FSTL5: variants seen among roughly 807,000 people sequenced by gnomAD.
FSTL5 encodes follistatin like 5.
A neutral mutation model predicts 89.1 loss-of-function variants in FSTL5; 62 were observed. The ratio of observed to expected loss-of-function variants is 0.70; its 90% CI spans 0.57 to 0.86. The LOEUF is 0.86. Ranked by LOEUF, FSTL5 falls within the 40% of genes least tolerant of loss-of-function variation. The pLI, the probability that FSTL5 is intolerant of heterozygous loss-of-function variation, is 0.00. For synonymous variants in FSTL5, 383 were observed against 346.2 expected, an observed-to-expected ratio of 1.11 and a Z score of -1.18; for missense variants, 1,057 against 1,001.6, an observed-to-expected ratio of 1.06 and a Z score of -0.75.
In FSTL5 at chr4:161,472,158, T is replaced by C. The variant is rs553972591; in HGVS notation, c.1608+8862A>G. On this transcript the variant is annotated intron_variant, in intron 13 of 15. Coordinates refer to ENST00000306100, the MANE Select transcript of FSTL5 (RefSeq NM_020116.5). ...CGCCCGGCTAATTTTTTTGTATTTTTAATAGAGACAGAGTTTCACCGTGTT... is the reference window on the plus strand; with the variant it reads ...CGCCCGGCTAATTTTTTTGTATTTTCAATAGAGACAGAGTTTCACCGTGTT... 7.2e-4 allele frequency among the ~76,000 whole-genome samples: 110 copies of C among 152,182 alleles called. 1 individual carries two copies. Among genetic ancestry groups the C allele is most frequent in the African/African-American group, 2.6e-3 (107 of 41,522 alleles).
At chr4:161,779,406 G>A (rs929414899) in intron 4 of FSTL5, among the ~76,000 whole-genome samples, 6 of 152,098 alleles carry the variant, frequency 3.9e-5, no homozygotes, top group African/African-American at 1.2e-4. Context: ...ATATGTGTAT[G>A]TTATTAATAA....
intron 6 of FSTL5, among the ~76,000 whole-genome samples, chr4:161,675,261 A>AT (rs1299482999): frequency 6.6e-6 from 1 of 152,026 alleles, no homozygotes; most frequent in Non-Finnish European, 1.5e-5. Flanking sequence ...TATAAAAATG[A>AT]TAAATACATT....
intron 3 of FSTL5, chr4:162,032,617 T>C (rs1737578410): frequency 2.6e-5 from 4 of 152,062 alleles, no homozygotes; most frequent in Non-Finnish European, 1.5e-5. Flanking sequence ...GAAAATAATA[T>C]ATTGTAAAAG....
At chr4:162,136,343 G>C (rs532196548) in intron 1 of FSTL5, among the ~76,000 whole-genome samples, 1 of 152,148 alleles carries the variant, frequency 6.6e-6, no homozygotes, top group Admixed American at 6.5e-5. Context: ...GAGAGGAATT[G>C]AAGATCAGTC....
chr4:161,565,742 G>GACACACACAC (rs145835055), intron 8 of FSTL5, among the ~76,000 whole-genome samples: 9,001 of 133,492 alleles, frequency 0.067, 380 homozygotes, highest in African/African-American at 0.1. Context: ...TATAACTTGA[G>GACACACACAC]ACACACACAC....
intron 6 of FSTL5, among the ~76,000 whole-genome samples, chr4:161,661,704 C>T (rs560557487): frequency 4.6e-5 from 7 of 152,008 alleles, no homozygotes; most frequent in Non-Finnish European, 1.0e-4. Flanking sequence ...TTAGAATCTT[C>T]GAGACTAAAT....
At chr4:161,923,023 A>G (rs13122381) in intron 3 of FSTL5, among the ~76,000 whole-genome samples, 96,115 of 151,650 alleles carry the variant, frequency 0.63, 30,548 homozygotes, top group Middle Eastern at 0.72. Context: ...TTTTAAGAAT[A>G]TATTGTTATA....
At chr4:161,966,601 T>TA (rs1441414647) in intron 3 of FSTL5, among the ~76,000 whole-genome samples, 1 of 151,970 alleles carries the variant, frequency 6.6e-6, no homozygotes, top group Non-Finnish European at 1.5e-5. Flanking sequence ...ATAATGTACA[T>TA]AAAAAATAAT....
chr4:162,030,949 A>G (rs184341080), intron 3 of FSTL5, among the ~76,000 whole-genome samples: 6 of 152,294 alleles, frequency 3.9e-5, no homozygotes, highest in African/African-American at 1.4e-4. Context: ...AACATTGTCT[A>G]ATAATAGTTA....
chr4:161,965,934 G>A (rs557934282), intron 3 of FSTL5, among the ~76,000 whole-genome samples: 27 of 152,140 alleles, frequency 1.8e-4, no homozygotes, highest in Admixed American at 6.6e-4. Flanking sequence ...ATAAACTTAA[G>A]GACTATTGAC....
chr4:161,859,334 T>C (rs1731826698), intron 4 of FSTL5, among the ~76,000 whole-genome samples: 1 of 152,220 alleles, frequency 6.6e-6, no homozygotes, highest in Non-Finnish European at 1.5e-5. Flanking sequence ...AGGTTCATTA[T>C]ACATTTCACC....
chr4:161,976,019 G>A (rs1003372029), intron 3 of FSTL5, among the ~76,000 whole-genome samples: 5 of 149,942 alleles, frequency 3.3e-5, no homozygotes, highest in Non-Finnish European at 5.9e-5. Flanking sequence ...TCGGGAGGCT[G>A]AGGCAGGAGA....
chr4:161,758,112 A>G (rs1207937463), intron 6 of FSTL5, among the ~76,000 whole-genome samples: 2 of 152,182 alleles, frequency 1.3e-5, no homozygotes, highest in Admixed American at 6.5e-5. Flanking sequence ...TTTTTCATAT[A>G]TTATTTTGCT....
At chr4:161,666,873 A>G (rs570144366) in intron 6 of FSTL5, among the ~76,000 whole-genome samples, 1 of 152,222 alleles carries the variant, frequency 6.6e-6, no homozygotes, top group African/African-American at 2.4e-5. Context: ...GCAAAATGGT[A>G]GTTTCTTCCT....
rs182916637 is a variant in FSTL5 at position 161,875,816 on chromosome 4, T to G, written c.409+44588A>C. On this transcript the variant is annotated intron_variant, in intron 4 of 15. Coordinates refer to ENST00000306100, the MANE Select transcript of FSTL5 (RefSeq NM_020116.5). ...GCCAATACTGGGGGCATCAGAGATTTTTTTCACAATTTTGAATTCTCACTA... is the reference window on the plus strand; with the variant it reads ...GCCAATACTGGGGGCATCAGAGATTGTTTTCACAATTTTGAATTCTCACTA... Among the ~76,000 whole-genome samples the G allele has an allele frequency of 3.2e-3, 480 of 152,310 alleles. 3 individuals carry two copies. Among genetic ancestry groups the G allele is most frequent in the Non-Finnish European group, 4.7e-3 (317 of 68,028 alleles).
chr4:162,039,232 A>C (rs1737857175), intron 2 of FSTL5, among the ~76,000 whole-genome samples: 1 of 151,880 alleles, frequency 6.6e-6, no homozygotes, highest in Non-Finnish European at 1.5e-5. Context: ...AAAGAAGTAG[A>C]AGATATCAAG....
chr4:161,504,931 T>TA (rs1437083163), intron 11 of FSTL5, among the ~76,000 whole-genome samples: 1 of 152,072 alleles, frequency 6.6e-6, no homozygotes, highest in Non-Finnish European at 1.5e-5. Context: ...ATGTGCATCA[T>TA]AAAAAAGATT....
At chr4:161,647,033 T>C (rs1340991410) in intron 7 of FSTL5, among the ~76,000 whole-genome samples, 1 of 152,214 alleles carries the variant, frequency 6.6e-6, no homozygotes, top group Non-Finnish European at 1.5e-5. Context: ...TTTTTGTTTT[T>C]GTTGCCTGTG....
chr4:161,576,643 T>G (rs1399533868), intron 8 of FSTL5, among the ~76,000 whole-genome samples: 1 of 152,226 alleles, frequency 6.6e-6, no homozygotes, highest in Non-Finnish European at 1.5e-5. Context: ...ACTGGATCCC[T>G]TTCTTAACAC....
Sources: allele counts gnomAD v4.1 joint callset (sites outside exome capture counted in the v4.1 genomes callset), GRCh38; gene constraint gnomAD v4.1.1; transcripts MANE v1.5; gene names NCBI Gene and HGNC (gene_info 2026-07-23, HGNC 2026-07-21).